KIF21A: variants seen among roughly 807,000 people sequenced by gnomAD.
KIF21A encodes the protein kinesin-like protein KIF21A.
In KIF21A, 114 loss-of-function variants were observed where a neutral mutation model predicts 202.9. The ratio of observed to expected loss-of-function variants is 0.56; its 90% confidence interval spans 0.48 to 0.66. KIF21A has a LOEUF of 0.66. KIF21A is among the 30% of genes least tolerant of loss of function. KIF21A has a pLI of 0.00. For synonymous variants in KIF21A, 667 were observed against 670.8 expected, an observed-to-expected ratio of 0.99 and a Z score of 0.09; for missense variants, 1,677 against 1,994.9, an observed-to-expected ratio of 0.84 and a Z score of 3.04.
Position 39,345,349 on chromosome 12 carries a change from T to C in KIF21A, c.1712+1117A>G, listed in dbSNP as rs1947806932. Among the ~76,000 whole-genome samples, 3 of 152,132 alleles carry C rather than the reference T, an allele frequency of 2.0e-5. No homozygotes were observed. The South Asian group carries it at 6.2e-4, about 31-fold the overall frequency. On this transcript the variant is annotated intron_variant, in intron 12 of 37. Coordinates refer to ENST00000361418, the MANE Select transcript of KIF21A (RefSeq NM_001173464.2). ...TAATGCCTTAACTTAATTCCAATAATAAACATGTTGTCCTAAATATGTATT... is the reference window on the plus strand; with the variant it reads ...TAATGCCTTAACTTAATTCCAATAACAAACATGTTGTCCTAAATATGTATT...
At chr12:39,377,353 C>T (rs1172741638) in intron 1 of KIF21A, among the ~76,000 whole-genome samples, 2 of 152,074 alleles carry the variant, frequency 1.3e-5, no homozygotes, top group African/African-American at 2.4e-5. Context: ...TCCTTCCTTC[C>T]ATTTCCCCAA....
At position 39,367,986 on chromosome 12, in the gene KIF21A, A is replaced by G. The variant is rs757781644; in HGVS notation, c.497T>C (p.Ile166Thr). Residue 166 changes from isoleucine to threonine, a missense_variant, in exon 4 of 38, where the codon ATT (isoleucine) becomes ACT (threonine). Around this residue, in one of 3 missense-constraint regions of KIF21A, gnomAD observed 966 missense variants for 1,180.9 expected, o/e 0.82. Coordinates refer to ENST00000361418, the MANE Select transcript of KIF21A (RefSeq NM_001173464.2). ...ATTTGATTTTTTACTTTTTGCATCAATATCACGAGTGGTATCAAATAAGTC... is the reference window on the plus strand; with the variant it reads ...ATTTGATTTTTTACTTTTTGCATCAGTATCACGAGTGGTATCAAATAAGTC... Reference protein sequence around the residue: ...VLDLFDTTRDIDAKSKKSNIR... With the variant: ...VLDLFDTTRDTDAKSKKSNIR... 3 of 1,601,718 alleles carry G rather than the reference A, an allele frequency of 1.9e-6. No homozygotes were observed. The highest frequency in any genetic ancestry group is 3.3e-5 in the Admixed American group (2 of 59,958).
chr12:39,315,099 TG>T, intron 31 of KIF21A, 129 bp downstream of exon 31: 1 of 845,518 alleles, frequency 1.2e-6, no homozygotes, highest in East Asian at 2.4e-5. Flanking sequence ...AGGTTAAATA[TG>T]GCAAATTTGT....
intron 6 of KIF21A, 66 bp downstream of exon 6, chr12:39,366,284 A>G: frequency 7.0e-7 from 1 of 1,419,684 alleles, no homozygotes; most frequent in Non-Finnish European, 9.9e-7. Flanking sequence ...GATATTATAA[A>G]TTACAAAAGA....
rs1944419055 is a variant in KIF21A, at chr12:39,315,349, GAAGTT to G, written c.3948-114_3948-110del. 7 of 932,082 alleles carry G rather than the reference GAAGTT, an allele frequency of 7.5e-6. No homozygotes were observed. In the Admixed American group the frequency reaches 1.3e-4, roughly 18 times the overall value. The allele number at this position is 932,082 out of a possible 1,614,324, so 57.7% of individuals were successfully genotyped here. A position where few individuals can be genotyped will look rare whatever the true frequency, so the allele number is the denominator to read the frequency against. ...AATGAGACAGAGAGAAAGAGAAAGA[GAAGTT>G]AAGGACCCCCAGAAAAATCCATAAA... On this transcript the variant is annotated intron_variant, in intron 30 of 37. Coordinates refer to ENST00000361418, the MANE Select transcript of KIF21A (RefSeq NM_001173464.2).
Position 39,367,036 on chromosome 12 carries a change from T to C in KIF21A, c.729A>G (p.Ile243Met), listed in dbSNP as rs935761437. The change falls in exon 5 of 38, where the codon ATA becomes ATG. Residue 243 changes from isoleucine to methionine, a missense_variant. Ile to Met is a conservative substitution (Grantham distance 10, BLOSUM62 1). Transcript: ENST00000361418. The stretch of plus-strand genomic sequence containing the variant: ...ATTAGAATTAATAACTCACAGCATC[T>C]ATTTGGGGACACACTCTGGTTTGAC... ...HVCQTRVCPQ[I>M]DADNATDNKI... 18 of 1,613,256 alleles carry C rather than the reference T, an allele frequency of 1.1e-5. No homozygotes were observed. The highest frequency in any genetic ancestry group is 1.5e-5 in the Non-Finnish European group (18 of 1,179,338).
chr12:39,331,427 T>A (rs1946495491), intron 22 of KIF21A, among the ~76,000 whole-genome samples: 1 of 152,234 alleles, frequency 6.6e-6, no homozygotes, highest in Admixed American at 6.5e-5. Flanking sequence ...TAATTTTTCC[T>A]TTGTTAAAGC....
At chr12:39,297,156 G>A (rs1015077090) in intron 37 of KIF21A, among the ~76,000 whole-genome samples, 3 of 152,312 alleles carry the variant, frequency 2.0e-5, no homozygotes, top group African/African-American at 7.2e-5. Context: ...GAAATGTCAA[G>A]GAAGCTATCA....
intron 37 of KIF21A, among the ~76,000 whole-genome samples, chr12:39,296,737 A>G (rs549353521): frequency 1.3e-5 from 2 of 152,306 alleles, no homozygotes; most frequent in African/African-American, 4.8e-5. Flanking sequence ...ACCAGCAAAG[A>G]GGTTATTGGG....
intron 3 of KIF21A, among the ~76,000 whole-genome samples, 198 bp from the exon 4 acceptor site, chr12:39,368,230 T>C (rs937368700): frequency 6.6e-6 from 1 of 152,074 alleles, no homozygotes; most frequent in African/African-American, 2.4e-5. Flanking sequence ...TTTACAAAAG[T>C]AAAAACAGTA....
At chr12:39,345,137 T>A (rs1257214252) in intron 12 of KIF21A, among the ~76,000 whole-genome samples, 1 of 152,194 alleles carries the variant, frequency 6.6e-6, no homozygotes, top group East Asian at 1.9e-4. Context: ...TTTGAGAAGT[T>A]GTTCTGTAAC....
At chr12:39,429,563 T>G (rs903347963) in intron 1 of KIF21A, among the ~76,000 whole-genome samples, 1 of 152,216 alleles carries the variant, frequency 6.6e-6, no homozygotes, top group Non-Finnish European at 1.5e-5. Flanking sequence ...TAGTCCCAAC[T>G]AACATTTCAG....
chr12:39,439,325 A>C (rs1939248036), intron 1 of KIF21A, among the ~76,000 whole-genome samples: 1 of 152,204 alleles, frequency 6.6e-6, no homozygotes, highest in African/African-American at 2.4e-5. Flanking sequence ...AGTTAATTTT[A>C]ATTATATTTT....
Position 39,442,805 on chromosome 12 carries a change from A to C in KIF21A, c.44+122T>G. The C allele has an allele frequency of 3.2e-6, 4 of 1,259,208 alleles. No homozygotes were observed. In the South Asian group the frequency reaches 5.3e-5, roughly 17 times the overall value. 78.0% of individuals were successfully genotyped at this position (1,259,208 alleles called of 1,614,324 possible). On this transcript the variant is annotated intron_variant, in intron 1 of 37. Coordinates refer to ENST00000361418, the MANE Select transcript of KIF21A (RefSeq NM_001173464.2). The surrounding 1 kb of genome is among the most constrained non-coding windows in gnomAD (Gnocchi z 5.0). ...ACTGCCTCAGTTTCCTCAGCCGCAG[A>C]ACCCGGCCGGGACGCCCCTCAGGTC...
At position 39,356,911 on chromosome 12, in the gene KIF21A, T is replaced by G. The variant is rs1363740643; in HGVS notation, c.1406-16A>C. ...TTTCCTTCACCTGAAAGACAAAATA[T>G]GAAATAAAAATTTTCCTTTAAATTA... On this transcript the variant is annotated splice_polypyrimidine_tract_variant and intron_variant, in intron 9 of 37. Transcript: ENST00000361418. 8.5e-7 allele frequency: 1 copy of G among 1,171,560 alleles called. No homozygotes were observed. The highest frequency in any genetic ancestry group is 2.3e-5 in the East Asian group (1 of 42,600). The allele number at this position is 1,171,560 out of a possible 1,614,324, so 72.6% of individuals were successfully genotyped here. A position where few individuals can be genotyped will look rare whatever the true frequency, so the allele number is the denominator to read the frequency against.
At chr12:39,378,022 C>T (rs1950371574) in intron 1 of KIF21A, among the ~76,000 whole-genome samples, 1 of 152,124 alleles carries the variant, frequency 6.6e-6, no homozygotes, top group African/African-American at 2.4e-5. Flanking sequence ...ATTAAAATCC[C>T]TAATATACAG....
rs561245601 is a variant in KIF21A at position 39,432,601 on chromosome 12, T to G, written c.44+10326A>C. Among the ~76,000 whole-genome samples the G allele has an allele frequency of 1.2e-3, 181 of 151,974 alleles. 1 individual carries two copies. Among genetic ancestry groups the G allele is most frequent in the African/African-American group, 3.5e-3 (147 of 41,462 alleles). ...TTACTCAAAATGCCCTTCCTTAATA[T>G]AAAGATGGACAAATTCTTTTTTTTT... is the stretch of plus-strand genomic sequence containing the variant. On this transcript the variant is annotated intron_variant, in intron 1 of 37. Transcript: ENST00000361418.
intron 35 of KIF21A, 49 bp from the exon 36 acceptor site, chr12:39,303,184 C>T: frequency 6.6e-7 from 1 of 1,515,820 alleles, no homozygotes. Flanking sequence ...TGCAAATAAA[C>T]ACCAATATTT....
chr12:39,351,095 T>A (rs1948335794), intron 11 of KIF21A, among the ~76,000 whole-genome samples: 1 of 152,090 alleles, frequency 6.6e-6, no homozygotes, highest in Admixed American at 6.6e-5. Context: ...TATGAGAATT[T>A]AACCACTTAC....
Sources: gnomAD v4.1 joint callset for allele counts (sites outside exome capture counted in the v4.1 genomes callset) on GRCh38, gnomAD v4.1.1 for gene constraint, gnomAD v4.1.1 regional missense constraint, Gnocchi (gnomAD v3.1) non-coding constraint, MANE v1.5 for transcripts, NCBI Gene and HGNC (gene_info 2026-07-23, HGNC 2026-07-21) for gene names.